SLC39A8: variants seen among roughly 807,000 people sequenced by gnomAD.
SLC39A8 encodes metal cation symporter ZIP8.
A neutral mutation model predicts 40.4 loss-of-function variants in SLC39A8; 15 were observed. The observed-to-expected ratio is 0.37, with a 90% CI of 0.25 to 0.57. The LOEUF (loss-of-function observed/expected upper bound fraction) is 0.57. Ranked by LOEUF, SLC39A8 falls within the 20% of genes least tolerant of loss-of-function variation. SLC39A8 has a pLI of 0.75. For missense variants in SLC39A8, 472 were observed against 558.8 expected (o/e 0.84, Z 1.57); for synonymous variants, 223 against 221.6 (o/e 1.01, Z -0.06).
chr4:102,302,446 A>G (rs1384858194), intron 6 of SLC39A8, among the ~76,000 whole-genome samples: 3 of 152,060 alleles, frequency 2.0e-5, no homozygotes, highest in Non-Finnish European at 4.4e-5. Context: ...AAGGGTTTTA[A>G]CTACTATTCT....
At chr4:102,334,012 G>A (rs1039398314) in intron 2 of SLC39A8, among the ~76,000 whole-genome samples, 66 of 152,292 alleles carry the variant, frequency 4.3e-4, no homozygotes, top group African/African-American at 1.1e-3. Flanking sequence ...GGCCTGAGAA[G>A]CACCCACTGA....
At position 102,253,180 on chromosome 4, in the gene SLC39A8, C is replaced by T. The variant is rs574191900; in HGVS notation, c.*549G>A. 27 of 376,874 alleles carry T rather than the reference C, an allele frequency of 7.2e-5. No homozygotes were observed. In the Admixed American group the frequency reaches 8.8e-4, roughly 12 times the overall value. 23.3% of individuals were successfully genotyped at this position (376,874 alleles called of 1,614,324 possible). On this transcript the variant is annotated 3_prime_UTR_variant and NMD_transcript_variant, in exon 12 of 12. Coordinates refer to the SLC39A8 transcript ENST00000424970. ...TTTTCGGGGCGAGCGGGGAGGGCGGCGGGGAACACAATTAGAAACAAAACA... is the reference window on the plus strand; with the variant it reads ...TTTTCGGGGCGAGCGGGGAGGGCGGTGGGGAACACAATTAGAAACAAAACA...
chr4:102,279,096 A>G (rs373479114), intron 6 of SLC39A8, among the ~76,000 whole-genome samples: 30 of 151,906 alleles, frequency 2.0e-4, no homozygotes, highest in African/African-American at 5.8e-4. Flanking sequence ...GTATACCTAT[A>G]TAACAAACCT....
intron 2 of SLC39A8, among the ~76,000 whole-genome samples, chr4:102,329,039 A>T (rs532801251): frequency 6.6e-6 from 1 of 152,114 alleles, no homozygotes; most frequent in African/African-American, 2.4e-5. Flanking sequence ...AAAAAAAAAA[A>T]AAAAGACATA....
chr4:102,286,983 C>T (rs1391677294), intron 6 of SLC39A8, among the ~76,000 whole-genome samples: 1 of 152,076 alleles, frequency 6.6e-6, no homozygotes, highest in African/African-American at 2.4e-5. Flanking sequence ...CATAGTTTTG[C>T]TGTTTATTAT....
At chr4:102,297,427 T>C (rs1316161505) in intron 6 of SLC39A8, among the ~76,000 whole-genome samples, 1 of 152,126 alleles carries the variant, frequency 6.6e-6, no homozygotes, top group Non-Finnish European at 1.5e-5. Flanking sequence ...AGTTAATATA[T>C]GTAAAGCATT....
At chr4:102,329,316 G>T (rs1339387950) in intron 2 of SLC39A8, among the ~76,000 whole-genome samples, 4 of 152,212 alleles carry the variant, frequency 2.6e-5, no homozygotes, top group Non-Finnish European at 2.9e-5. Context: ...GACATGCTCA[G>T]ATTTGCATAT....
At chr4:102,284,203 G>A (rs1182981909) in intron 6 of SLC39A8, among the ~76,000 whole-genome samples, 3 of 152,142 alleles carry the variant, frequency 2.0e-5, no homozygotes, top group South Asian at 2.1e-4. Context: ...CCCAAATAAA[G>A]TATATTGTAC....
intron 2 of SLC39A8, among the ~76,000 whole-genome samples, chr4:102,328,509 T>C (rs1367785747): frequency 5.3e-5 from 8 of 152,320 alleles, no homozygotes; most frequent in African/African-American, 1.9e-4. Flanking sequence ...GGAATATTAA[T>C]TTAGAAGGTT....
Position 102,268,112 on chromosome 4 carries a change from A to G in SLC39A8, c.841-33T>C, listed in dbSNP as rs763069595. ...AAAATCAATTAAAATGATAACCAAC[A>G]TTTCTTGAAAGTCTCAGAAATACAG... On this transcript the variant is annotated intron_variant, in intron 6 of 8. Coordinates refer to ENST00000356736, the MANE Select transcript of SLC39A8 (RefSeq NM_001135146.2). 1.1e-5 allele frequency: 17 copies of G among 1,607,630 alleles called. No homozygotes were observed. In the South Asian group the frequency reaches 1.1e-4, roughly 10 times the overall value.
chr4:102,311,339 A>C (rs968661042), intron 3 of SLC39A8, among the ~76,000 whole-genome samples: 3 of 152,130 alleles, frequency 2.0e-5, no homozygotes, highest in African/African-American at 7.2e-5. Context: ...TTATGTTTAA[A>C]AAATTAGTAA....
intron 6 of SLC39A8, among the ~76,000 whole-genome samples, chr4:102,289,923 T>C (rs1214437357): frequency 1.3e-5 from 2 of 152,208 alleles, no homozygotes; most frequent in South Asian, 4.1e-4. Flanking sequence ...ATAAATGTAG[T>C]TGACAAAGCA....
intron 6 of SLC39A8, among the ~76,000 whole-genome samples, chr4:102,286,808 T>C (rs935319305): frequency 1.3e-5 from 2 of 152,172 alleles, no homozygotes; most frequent in Non-Finnish European, 2.9e-5. Flanking sequence ...GGTTTCACTA[T>C]GCGGGCAATC....
At chr4:102,260,310 G>A (rs1731811860), downstream of SLC39A8, among the ~76,000 whole-genome samples, 1 of 152,172 alleles carries the variant, frequency 6.6e-6, no homozygotes, top group Non-Finnish European at 1.5e-5. Context: ...TTTTATTGCT[G>A]GTAATGTATC....
intron 6 of SLC39A8, among the ~76,000 whole-genome samples, chr4:102,269,423 A>G (rs979024009): frequency 6.6e-6 from 1 of 152,252 alleles, no homozygotes; most frequent in East Asian, 1.9e-4. Context: ...TATGAAATGA[A>G]TGGGAAACTG....
rs567248452 is a variant in SLC39A8 at position 102,332,205 on chromosome 4, A to C, written c.219+12239T>G. 3.3e-5 allele frequency among the ~76,000 whole-genome samples: 5 copies of C among 152,342 alleles called. No homozygotes were observed. The East Asian group carries it at 7.7e-4, about 23-fold the overall frequency. On this transcript the variant is annotated intron_variant, in intron 2 of 8. Transcript: ENST00000356736. ...CTAAAGAGCTTCTGCACAGCAAAAG[A>C]AGCTATCATCAAAGTGAACAGGCAA... is the stretch of plus-strand genomic sequence containing the variant.
intron 2 of SLC39A8, among the ~76,000 whole-genome samples, chr4:102,326,891 C>A (rs1052010858): frequency 1.3e-5 from 2 of 152,170 alleles, no homozygotes; most frequent in African/African-American, 4.8e-5. Flanking sequence ...AAGGTTGTTT[C>A]TACTGATGCA....
chr4:102,286,546 G>A (rs559189295), intron 6 of SLC39A8, among the ~76,000 whole-genome samples: 3 of 139,600 alleles, frequency 2.1e-5, no homozygotes, highest in South Asian at 2.5e-4. Flanking sequence ...CATCAAAGGC[G>A]AGATAACGGT....
intron 2 of SLC39A8, among the ~76,000 whole-genome samples, chr4:102,320,431 T>TATGAGAGTATATATAC (rs1560561414): frequency 1.8e-5 from 2 of 109,106 alleles, no homozygotes; most frequent in African/African-American, 7.0e-5. Flanking sequence ...AGAATATATA[T>TATGAGAGTATATATAC]ATATGAGAAT....
Sources: allele counts gnomAD v4.1 joint callset (sites outside exome capture counted in the v4.1 genomes callset), GRCh38; gene constraint gnomAD v4.1.1; transcripts MANE v1.5; gene names NCBI Gene and HGNC (gene_info 2026-07-23, HGNC 2026-07-21).